FDX1: variants seen among roughly 807,000 people sequenced by gnomAD.
FDX1 encodes the protein ferredoxin 1, also known as adrenodoxin, mitochondrial.
A neutral mutation model predicts 14.9 loss-of-function variants in FDX1; 9 were observed. That is an observed-to-expected ratio of 0.60 (90% CI 0.36 to 1.05). The LOEUF is 1.05. Among genes scored for constraint, FDX1 ranks in the 50% least tolerant of loss-of-function variants. The pLI is 0.01. For synonymous variants in FDX1, 92 were observed against 99.4 expected, an observed-to-expected ratio of 0.93 and a Z score of 0.44; for missense variants, 204 against 237.2, an observed-to-expected ratio of 0.86 and a Z score of 0.92.
At chr11:110,438,174 G>C (rs1946382842) in intron 2 of FDX1, among the ~76,000 whole-genome samples, 1 of 152,162 alleles carries the variant, frequency 6.6e-6, no homozygotes, top group African/African-American at 2.4e-5. Flanking sequence ...TTGAATGGTA[G>C]TTCCATTTTT....
chr11:110,436,608 C>T (rs1946371784), intron 2 of FDX1, among the ~76,000 whole-genome samples: 1 of 142,830 alleles, frequency 7.0e-6, no homozygotes, highest in South Asian at 2.3e-4. Flanking sequence ...CCCAGACTTA[C>T]TGAGTCACAA....
At chr11:110,446,947 T>G (rs1429392627) in intron 2 of FDX1, among the ~76,000 whole-genome samples, 1 of 152,036 alleles carries the variant, frequency 6.6e-6, no homozygotes, top group Non-Finnish European at 1.5e-5. Context: ...GAGGCCTAGG[T>G]GGGCAGATCA....
At chr11:110,433,182 C>A (rs1354330275) in intron 1 of FDX1, among the ~76,000 whole-genome samples, 1 of 152,224 alleles carries the variant, frequency 6.6e-6, no homozygotes, top group African/African-American at 2.4e-5. Context: ...TGATGGAATT[C>A]TTTCTAATGT....
rs2134562658 is a variant in FDX1, at chr11:110,430,370, C to A, written c.185+65C>A. 2.8e-6 allele frequency: 3 copies of A among 1,085,858 alleles called. No individual in the cohort carries two copies. The South Asian group carries it at 1.4e-4, about 50-fold the overall frequency. 67.3% of individuals were successfully genotyped at this position (1,085,858 alleles called of 1,614,324 possible). ...GGTCCCCGGTGGGTGGCGCCTGGCT[C>A]TCTGGGCCGAGTCTCTGGTTCCAGT... On this transcript the variant is annotated intron_variant, in intron 1 of 3. Transcript: ENST00000260270.
At chr11:110,435,008 C>T (rs1261808253) in intron 1 of FDX1, among the ~76,000 whole-genome samples, 1 of 151,516 alleles carries the variant, frequency 6.6e-6, no homozygotes, top group African/African-American at 2.4e-5. Flanking sequence ...CCTGCCTCGG[C>T]CTCCCAAAGT....
rs189704442 is a variant in FDX1, at chr11:110,446,750, C to T, written c.311-10168C>T. Among the ~76,000 whole-genome samples, 1,336 of 152,310 alleles carry T rather than the reference C, an allele frequency of 8.8e-3. 17 individuals carry two copies. Among genetic ancestry groups the T allele is most frequent in the African/African-American group, 0.03 (1,250 of 41,554 alleles). On this transcript the variant is annotated intron_variant, in intron 2 of 3. Coordinates refer to ENST00000260270, the MANE Select transcript of FDX1 (RefSeq NM_004109.5). ...CGCCTCCAGCATGTCCTGTTGGCTC[C>T]ATCCCTACAGTCGGCACGAGGGGCT...
Position 110,462,375 on chromosome 11 carries a change from C to G in FDX1, c.462C>G (p.Ile154Met). 1 of 1,610,268 alleles carries G rather than the reference C, an allele frequency of 6.2e-7. No homozygotes were observed. Among genetic ancestry groups the G allele is most frequent in the Non-Finnish European group, 8.5e-7 (1 of 1,176,882 alleles). ...LTDRSRLGCQ[I>M]CLTKSMDNMT... ...ACAGATCACGGTTGGGCTGCCAAAT[C>G]TGTTTGACAAAATCTATGGACAATA... The change falls in exon 4 of 4, where the codon ATC becomes ATG. Residue 154 changes from isoleucine to methionine, a missense_variant. Coordinates refer to ENST00000260270, the MANE Select transcript of FDX1 (RefSeq NM_004109.5).
At chr11:110,434,929 A>T (rs1229444283) in intron 1 of FDX1, among the ~76,000 whole-genome samples, 2 of 150,788 alleles carry the variant, frequency 1.3e-5, no homozygotes, top group African/African-American at 4.9e-5. Flanking sequence ...TTTTATTTTT[A>T]TTTTTTGTAG....
chr11:110,458,277 TTGA>T (rs1474751569), intron 3 of FDX1, among the ~76,000 whole-genome samples: 1 of 152,198 alleles, frequency 6.6e-6, no homozygotes, highest in South Asian at 2.1e-4. Context: ...AGCAAGAGTA[TTGA>T]TGATAAAATT....
chr11:110,431,650 A>C (rs1439916605), intron 1 of FDX1, among the ~76,000 whole-genome samples: 1 of 152,200 alleles, frequency 6.6e-6, no homozygotes, highest in Non-Finnish European at 1.5e-5. Context: ...TGGACAACTG[A>C]ATCAATTGGG....
At chr11:110,454,957 T>C (rs1040880430) in intron 2 of FDX1, among the ~76,000 whole-genome samples, 1 of 152,188 alleles carries the variant, frequency 6.6e-6, no homozygotes, top group East Asian at 1.9e-4. Flanking sequence ...TTGAATTGGA[T>C]TTAATAAAAA....
chr11:110,453,280 G>A (rs1229937284), intron 2 of FDX1, among the ~76,000 whole-genome samples: 2 of 152,294 alleles, frequency 1.3e-5, no homozygotes, highest in East Asian at 3.9e-4. Flanking sequence ...GGAGGTTGCC[G>A]TGAGCCGAGA....
intron 2 of FDX1, among the ~76,000 whole-genome samples, chr11:110,456,098 T>C (rs1946520006): frequency 6.6e-6 from 1 of 152,226 alleles, no homozygotes; most frequent in Non-Finnish European, 1.5e-5. Context: ...ATAAATATTC[T>C]GATTATTTAA....
intron 3 of FDX1, among the ~76,000 whole-genome samples, chr11:110,461,470 C>T (rs1466380231): frequency 1.4e-5 from 2 of 145,370 alleles, no homozygotes; most frequent in African/African-American, 2.6e-5. Context: ...GCACTCCAGC[C>T]TGGGTGACAG....
chr11:110,435,133 C>T (rs1946360174), intron 1 of FDX1, among the ~76,000 whole-genome samples: 1 of 151,876 alleles, frequency 6.6e-6, no homozygotes, highest in Non-Finnish European at 1.5e-5. Flanking sequence ...ATTGCAGCCT[C>T]TTCCTCCTCC....
At chr11:110,433,736 TAC>T (rs10568169) in intron 1 of FDX1, among the ~76,000 whole-genome samples, 74,289 of 151,614 alleles carry the variant, frequency 0.49, 18,826 homozygotes, top group East Asian at 0.63. Context: ...AACATTCTGG[TAC>T]ACACACACAC....
Position 110,429,987 on chromosome 11 carries a change from C to A in FDX1, c.-134C>A. 1.9e-6 allele frequency: 1 copy of A among 531,276 alleles called. No homozygotes were observed. The allele number at this position is 531,276 out of a possible 1,614,324, so 32.9% of individuals were successfully genotyped here. On this transcript the variant is annotated 5_prime_UTR_variant, in exon 1 of 4. Coordinates refer to ENST00000260270, the MANE Select transcript of FDX1 (RefSeq NM_004109.5). ...CGCGGTGCTTCCAGCAGGGTCTCTC[C>A]GCCACTCCAGCCCCGCGCCCCTCGC...
At chr11:110,448,166 A>T (rs552712377) in intron 2 of FDX1, among the ~76,000 whole-genome samples, 35 of 152,092 alleles carry the variant, frequency 2.3e-4, no homozygotes, top group Non-Finnish European at 4.6e-4. Context: ...CTCTCAAGAC[A>T]TTTTTTTCTT....
rs1369936893 is a variant in FDX1 at position 110,462,438 on chromosome 11, A to G, written c.525A>G (p.Arg175=). ...TGCCTGAAACAGTGGCTGATGCCAG[A>G]CAATCCATTGATGTGGGCAAGACCT... ...VRVPETVADA[R]QSIDVGKTS is the part of the protein sequence containing the mutation. Residue 175 remains arginine, a synonymous_variant, in exon 4 of 4, where the codon AGA becomes AGG. Coordinates refer to ENST00000260270, the MANE Select transcript of FDX1 (RefSeq NM_004109.5). The G allele has an allele frequency of 1.9e-6, 3 of 1,582,850 alleles. No homozygotes were observed. The highest frequency in any genetic ancestry group is 2.2e-5 in the South Asian group (2 of 90,270).
Sources: allele counts gnomAD v4.1 joint callset (sites outside exome capture counted in the v4.1 genomes callset), GRCh38; gene constraint gnomAD v4.1.1; transcripts MANE v1.5; gene names NCBI Gene and HGNC (gene_info 2026-07-23, HGNC 2026-07-21).